The following MANSC4 variants were observed in gnomAD, a reference collection of about 807,000 sequenced individuals.
MANSC4 encodes MANSC domain containing 4.
MANSC4 carries 11 observed loss-of-function variants against 11.4 expected under a neutral mutation model. The observed-to-expected ratio is 0.97, with a 90% CI of 0.61 to 1.60. MANSC4 has a LOEUF of 1.60. Ranked by LOEUF, MANSC4 falls within the 40% of genes most tolerant of loss-of-function variation. The pLI is 0.00. For missense variants in MANSC4, 354 were observed against 404.6 expected (o/e 0.88, Z 1.07); for synonymous variants, 123 against 147.1 (o/e 0.84, Z 1.19).
rs892963271 is a variant in MANSC4 at position 27,763,141 on chromosome 12, T to G, written c.620A>C (p.Asn207Thr). The G allele has an allele frequency of 1.3e-6, 2 of 1,551,712 alleles. No homozygotes were observed. Among genetic ancestry groups the G allele is most frequent in the Non-Finnish European group, 8.7e-7 (1 of 1,147,000 alleles). ...TDFWARFTSL[N>T]ESITTKINKV... is the part of the protein sequence containing the mutation. ...ATTTATCTTTGTGGTAATGGACTCA[T>G]TCAGGGAAGTAAATCTTGCCCAAAA... Residue 207 changes from asparagine (N) to threonine (T), a missense_variant, in exon 4 of 4, where the codon AAT becomes ACT. Physicochemically the swap from Asn to Thr is moderately conservative, Grantham distance 65. Transcript: ENST00000381273.
intron 1 of MANSC4, among the ~76,000 whole-genome samples, chr12:27,776,531 A>C (rs2140806051): frequency 6.6e-6 from 1 of 151,976 alleles, no homozygotes; most frequent in South Asian, 2.1e-4. Flanking sequence ...GGAGTTCAAG[A>C]CCAGCCTGGG....
At chr12:27,778,150 G>A (rs949522823) in intron 1 of MANSC4, among the ~76,000 whole-genome samples, 1 of 151,548 alleles carries the variant, frequency 6.6e-6, no homozygotes, top group African/African-American at 2.4e-5. Flanking sequence ...ACTTGAACCC[G>A]GGAGGTGGAG....
chr12:27,774,776 C>A (rs2062112755), intron 1 of MANSC4, among the ~76,000 whole-genome samples: 2 of 152,148 alleles, frequency 1.3e-5, no homozygotes, highest in African/African-American at 4.8e-5. Flanking sequence ...GTAATCCCAG[C>A]ACTTTGGGAG....
intron 2 of MANSC4, among the ~76,000 whole-genome samples, chr12:27,770,451 G>T (rs1484166206): frequency 6.6e-6 from 1 of 152,014 alleles, no homozygotes; most frequent in Non-Finnish European, 1.5e-5. Flanking sequence ...AAAATTCTGA[G>T]ATTACAGGCA....
intron 1 of MANSC4, among the ~76,000 whole-genome samples, chr12:27,779,549 C>T (rs1454439944): frequency 6.6e-6 from 1 of 152,130 alleles, no homozygotes; most frequent in African/African-American, 2.4e-5. Flanking sequence ...GACCACGCTA[C>T]CAGAGAATCA....
intron 1 of MANSC4, among the ~76,000 whole-genome samples, chr12:27,777,239 G>C (rs1203323360): frequency 6.6e-6 from 1 of 152,106 alleles, no homozygotes; most frequent in Non-Finnish European, 1.5e-5. Context: ...TTTTAAAAAG[G>C]CAAGAAAATA....
At chr12:27,772,633 T>G (rs1240123956) in intron 1 of MANSC4, among the ~76,000 whole-genome samples, 1 of 152,216 alleles carries the variant, frequency 6.6e-6, no homozygotes, top group Non-Finnish European at 1.5e-5. Flanking sequence ...CCACATAGAA[T>G]ACACAAAATG....
chr12:27,774,088 C>T (rs1377111348), intron 1 of MANSC4, among the ~76,000 whole-genome samples: 1 of 151,870 alleles, frequency 6.6e-6, no homozygotes, highest in African/African-American at 2.4e-5. Flanking sequence ...GCAGAGGTTG[C>T]AGTGAGACGA....
chr12:27,763,878 G>C (rs1415384349), intron 3 of MANSC4, among the ~76,000 whole-genome samples: 1 of 151,860 alleles, frequency 6.6e-6, no homozygotes, highest in Non-Finnish European at 1.5e-5. Context: ...TTACAGGTGT[G>C]CGCCACCACG....
At chr12:27,777,304 G>T (rs2062122634) in intron 1 of MANSC4, among the ~76,000 whole-genome samples, 1 of 152,214 alleles carries the variant, frequency 6.6e-6, no homozygotes, top group South Asian at 2.1e-4. Context: ...ATTGGTGAAA[G>T]ATTCAAGAGA....
rs1190258626 is a variant in MANSC4 at position 27,766,732 on chromosome 12, G to C, written c.297C>G (p.His99Gln). 1.3e-6 allele frequency: 2 copies of C among 1,551,562 alleles called. No homozygotes were observed. Among genetic ancestry groups the C allele is most frequent in the Non-Finnish European group, 1.7e-6 (2 of 1,146,934 alleles). Residue 99 changes from histidine (H) to glutamine (Q), a missense_variant, in exon 3 of 4, where the codon CAC becomes CAG. Coordinates refer to ENST00000381273, the MANE Select transcript of MANSC4 (RefSeq NM_001146221.5). The stretch of plus-strand genomic sequence containing the variant: ...ATATGCAGCTCTCCAGTGTTGGGCA[G>C]TGAACATGGAGGCAGTTGATATTGT... ...IHDNINCLHV[H>Q]CPTLESCILE...
rs934253899 is a variant in MANSC4, at chr12:27,762,920, T to C, written c.841A>G (p.Thr281Ala). ...ACAGAAACCAGCCAAGTCTTTGAAG[T>C]CACAGATACCTCATCTTCATTTGCA... is the stretch of plus-strand genomic sequence containing the variant. Reference protein sequence around the residue: ...TSANEDEVSVTSKTWLVSVAL... With the variant: ...TSANEDEVSVASKTWLVSVAL... The change falls in exon 4 of 4, where the codon ACT becomes GCT. Residue 281 changes from threonine (T) to alanine (A), a missense_variant. Coordinates refer to ENST00000381273, the MANE Select transcript of MANSC4 (RefSeq NM_001146221.5). 33 of 1,552,072 alleles carry C rather than the reference T, an allele frequency of 2.1e-5. No individual in the cohort carries two copies. The African/African-American group carries it at 4.2e-4, about 20-fold the overall frequency.
chr12:27,779,192 T>C (rs1160510653), intron 1 of MANSC4, among the ~76,000 whole-genome samples: 1 of 152,062 alleles, frequency 6.6e-6, no homozygotes, highest in Non-Finnish European at 1.5e-5. Context: ...TCTCTCTTAA[T>C]AGTCCTCAGA....
intron 1 of MANSC4, among the ~76,000 whole-genome samples, chr12:27,776,431 A>T (rs1345232849): frequency 6.6e-6 from 1 of 152,038 alleles, no homozygotes; most frequent in African/African-American, 2.4e-5. Context: ...TAAGTTCTTT[A>T]AAAAATGACC....
At chr12:27,778,923 C>T (rs755328241) in intron 1 of MANSC4, among the ~76,000 whole-genome samples, 27 of 152,356 alleles carry the variant, frequency 1.8e-4, no homozygotes, top group African/African-American at 4.8e-4. Context: ...GGCTGGAGTG[C>T]AGTGGCGCGA....
chr12:27,771,259 T>C lies in MANSC4; in HGVS notation c.18A>G (p.Val6=). 6.4e-7 allele frequency: 1 copy of C among 1,550,586 alleles called. No individual in the cohort carries two copies. Among genetic ancestry groups the C allele is most frequent in the Non-Finnish European group, 8.7e-7 (1 of 1,147,032 alleles). ...TTAGGAGCAATATCACGTTCACTGCTACCTCTGCCACATGCATTTTTCCTG... is the reference window on the plus strand; with the variant it reads ...TTAGGAGCAATATCACGTTCACTGCCACCTCTGCCACATGCATTTTTCCTG... MHVAE[V]AVNVILLLSM... Residue 6 remains valine, a synonymous_variant, in exon 2 of 4, where the codon GTA becomes GTG. Transcript: ENST00000381273.
Position 27,769,885 on chromosome 12 carries a change from GA to G in MANSC4, c.229+1162del, listed in dbSNP as rs764756523. Reference sequence around the variant, plus strand: ...AGTAGCATTAAAATCTTGGAAAAATGAAAAAGAAATGAAAGAAGTCTTTAGG... The same window carrying G: ...AGTAGCATTAAAATCTTGGAAAAATGAAAAGAAATGAAAGAAGTCTTTAGG... On this transcript the variant is annotated intron_variant, in intron 2 of 3. Coordinates refer to ENST00000381273, the MANE Select transcript of MANSC4 (RefSeq NM_001146221.5). Among the ~76,000 whole-genome samples the G allele has an allele frequency of 8.5e-5, 13 of 152,188 alleles. No individual in the cohort carries two copies. In the East Asian group the frequency reaches 1.7e-3, roughly 20 times the overall value.
chr12:27,770,234 G>A (rs2062094636), intron 2 of MANSC4, among the ~76,000 whole-genome samples: 1 of 152,160 alleles, frequency 6.6e-6, no homozygotes, highest in South Asian at 2.1e-4. Flanking sequence ...AGGCTTGAGT[G>A]CACTGGTGCG....
chr12:27,772,820 A>G (rs2062105972), intron 1 of MANSC4, among the ~76,000 whole-genome samples: 1 of 152,210 alleles, frequency 6.6e-6, no homozygotes, highest in Non-Finnish European at 1.5e-5. Context: ...ATGAGATTCC[A>G]TGGCTATTTC....
Sources: allele counts gnomAD v4.1 joint callset (sites outside exome capture counted in the v4.1 genomes callset), GRCh38; gene constraint gnomAD v4.1.1; transcripts MANE v1.5; gene names NCBI Gene and HGNC (gene_info 2026-07-23, HGNC 2026-07-21).